METTL15: variants seen among roughly 807,000 people sequenced by gnomAD.
METTL15 encodes the protein 12S rRNA N(4)-cytidine methyltransferase METTL15.
Under a neutral mutation model 38.3 loss-of-function variants are expected in METTL15, and 34 were observed. The observed-to-expected ratio is 0.89, with a 90% confidence interval of 0.68 to 1.18. METTL15 has a LOEUF of 1.18. Among genes scored for constraint, METTL15 ranks in the 50% most tolerant of loss-of-function variants. The pLI, the probability that METTL15 is intolerant of heterozygous loss-of-function variation, is 0.00. For missense variants in METTL15, 438 were observed against 498.4 expected (o/e 0.88, Z 1.15); for synonymous variants, 162 against 170.9 (o/e 0.95, Z 0.41).
chr11:28,482,073 T>C (rs1851400097), intron 6 of METTL15, among the ~76,000 whole-genome samples: 1 of 152,096 alleles, frequency 6.6e-6, no homozygotes, highest in African/African-American at 2.4e-5. Context: ...GGATGAAGAA[T>C]AAAATGATTG....
At chr11:28,143,572 C>T (rs904881937) in intron 3 of METTL15, among the ~76,000 whole-genome samples, 6 of 152,108 alleles carry the variant, frequency 3.9e-5, no homozygotes, top group East Asian at 1.9e-4. Flanking sequence ...GTTGATGTAA[C>T]GGTTCCTATT....
chr11:28,277,653 G>A (rs1282146462), intron 4 of METTL15, among the ~76,000 whole-genome samples: 7 of 151,940 alleles, frequency 4.6e-5, no homozygotes, highest in Admixed American at 4.6e-4. Flanking sequence ...AGCCACCACT[G>A]CACTCCAGCC....
At chr11:28,378,655 C>G (rs1850348212) in intron 5 of METTL15, among the ~76,000 whole-genome samples, 3 of 152,056 alleles carry the variant, frequency 2.0e-5, no homozygotes, top group African/African-American at 7.2e-5. Context: ...AGGAGCTGTT[C>G]CTATTCGGCC....
chr11:28,344,028 G>C (rs557178897), intron 3 of METTL15, among the ~76,000 whole-genome samples: 3 of 152,246 alleles, frequency 2.0e-5, no homozygotes, highest in Admixed American at 6.5e-5. Flanking sequence ...TTTTTTTGCT[G>C]AATCATCAAT....
intron 3 of METTL15, among the ~76,000 whole-genome samples, chr11:28,128,610 G>C (rs944573300): frequency 2.0e-5 from 3 of 152,108 alleles, no homozygotes; most frequent in African/African-American, 7.2e-5. Flanking sequence ...ATCTTTCGCT[G>C]TGGTTTTATT....
intron 5 of METTL15, among the ~76,000 whole-genome samples, chr11:28,395,599 A>G (rs1258733770): frequency 6.6e-6 from 1 of 152,120 alleles, no homozygotes; most frequent in Non-Finnish European, 1.5e-5. Context: ...GCTGAAATAG[A>G]GGCAATAGCC....
intron 4 of METTL15, among the ~76,000 whole-genome samples, chr11:28,280,348 T>C (rs1247011586): frequency 6.6e-6 from 1 of 152,198 alleles, no homozygotes; most frequent in Non-Finnish European, 1.5e-5. Context: ...TTTTGTCTTC[T>C]GGCTTCCCTT....
chr11:28,274,885 T>A (rs1245286235), intron 4 of METTL15, among the ~76,000 whole-genome samples: 1 of 151,788 alleles, frequency 6.6e-6, no homozygotes, highest in Non-Finnish European at 1.5e-5. Context: ...TGTATATATA[T>A]GTAACAAACC....
intron 3 of METTL15, among the ~76,000 whole-genome samples, chr11:28,134,039 A>G (rs553995597): frequency 3.9e-5 from 6 of 152,280 alleles, no homozygotes; most frequent in Non-Finnish European, 8.8e-5. Context: ...GGTTTGGGAA[A>G]AGCTTGTGAG....
At chr11:28,227,588 A>T (rs1027337670) in intron 4 of METTL15, among the ~76,000 whole-genome samples, 2 of 151,912 alleles carry the variant, frequency 1.3e-5, no homozygotes, top group Non-Finnish European at 2.9e-5. Context: ...ATGTGAATGG[A>T]TGATAGAAAG....
intron 3 of METTL15, among the ~76,000 whole-genome samples, chr11:28,113,808 G>T (rs11030216): frequency 0.15 from 23,350 of 151,912 alleles, 1,952 homozygotes; most frequent in East Asian, 0.28. Flanking sequence ...TAACTTTCAG[G>T]ACAATATTCA....
intron 4 of METTL15, among the ~76,000 whole-genome samples, chr11:28,257,777 A>C (rs1202205648): frequency 6.6e-6 from 1 of 152,202 alleles, no homozygotes; most frequent in Non-Finnish European, 1.5e-5. Flanking sequence ...CATAAAATTC[A>C]GAATTCCTTC....
In METTL15 at chr11:28,490,210, C is replaced by A. The variant is rs534939899; in HGVS notation, c.*425-36268C>A. Among the ~76,000 whole-genome samples the A allele has an allele frequency of 2.0e-5, 3 of 152,284 alleles. No individual in the cohort carries two copies. In the South Asian group the frequency reaches 6.2e-4, roughly 32 times the overall value. On this transcript the variant is annotated intron_variant and NMD_transcript_variant, in intron 6 of 7. Transcript: ENST00000532947. ...GGTCCATGGAAAGAGATGTTAACTT[C>A]TCTTGCATTCTCACCTGGCATTGCC...
At chr11:28,333,761 T>G (rs970615744), downstream of METTL15, among the ~76,000 whole-genome samples, 1 of 151,966 alleles carries the variant, frequency 6.6e-6, no homozygotes, top group African/African-American at 2.4e-5. Flanking sequence ...ATATATTATT[T>G]GTGCTTAAAT....
downstream of METTL15, among the ~76,000 whole-genome samples, chr11:28,336,922 T>C (rs995365337): frequency 5.3e-5 from 8 of 152,164 alleles, no homozygotes; most frequent in African/African-American, 9.7e-5. Context: ...ATTGTTACCA[T>C]AGGAGATGAC....
intron 5 of METTL15, among the ~76,000 whole-genome samples, chr11:28,396,913 A>C (rs541476116): frequency 6.6e-6 from 1 of 152,192 alleles, no homozygotes; most frequent in Non-Finnish European, 1.5e-5. Flanking sequence ...ATGGAACAGA[A>C]CAGAGCCCTC....
intron 3 of METTL15, among the ~76,000 whole-genome samples, chr11:28,157,965 C>T (rs925312855): frequency 2.6e-4 from 39 of 152,120 alleles, no homozygotes; most frequent in African/African-American, 9.4e-4. Flanking sequence ...TGAAGGACGG[C>T]GGTGAAGGGA....
At chr11:28,167,097 GAC>G (rs1332225816) in intron 3 of METTL15, among the ~76,000 whole-genome samples, 1 of 152,124 alleles carries the variant, frequency 6.6e-6, no homozygotes, top group African/African-American at 2.4e-5. Context: ...GGTATTGATA[GAC>G]ACAGTCATTA....
intron 6 of METTL15, 135 bp downstream of exon 6, chr11:28,297,066 T>C (rs111853702): frequency 2.3e-6 from 2 of 877,694 alleles, no homozygotes; most frequent in African/African-American, 3.4e-5. Context: ...TCATTTGTAC[T>C]TGAAATCCAG....
Sources: allele counts gnomAD v4.1 joint callset (sites outside exome capture counted in the v4.1 genomes callset), GRCh38; gene constraint gnomAD v4.1.1; transcripts MANE v1.5; gene names NCBI Gene and HGNC (gene_info 2026-07-23, HGNC 2026-07-21).